The following ECSIT variants were observed in gnomAD, a reference collection of about 807,000 sequenced individuals.
ECSIT encodes ECSIT signaling integrator.
Under a neutral mutation model 36.8 loss-of-function variants are expected in ECSIT, and 29 were observed. That is an observed-to-expected ratio of 0.79 (90% CI 0.59 to 1.08). ECSIT has a LOEUF of 1.08. Ranked by LOEUF, ECSIT falls within the 50% of genes least tolerant of loss-of-function variation. The pLI is 0.00. For synonymous variants in ECSIT, 231 were observed against 234.8 expected (o/e 0.98, Z 0.15); for missense variants, 542 against 581.0 (o/e 0.93, Z 0.69).
At chr19:11,508,623 G>A (rs1257386165) in intron 4 of ECSIT, among the ~76,000 whole-genome samples, 2 of 151,884 alleles carry the variant, frequency 1.3e-5, no homozygotes, top group Non-Finnish European at 2.9e-5. Context: ...CATGATCTCG[G>A]CTCACTATAG....
chr19:11,506,529 CTTTTTT>C (rs71166605), intron 7 of ECSIT, 101 bp from the exon 8 acceptor site: 638 of 677,468 alleles, frequency 9.4e-4, no homozygotes, highest in South Asian at 1.3e-3. Context: ...CTTCCACTTC[CTTTTTT>C]TTTTTTTTTT....
intron 1 of ECSIT, among the ~76,000 whole-genome samples, chr19:11,524,798 T>G (rs1599591944): frequency 6.6e-6 from 1 of 152,056 alleles, no homozygotes; most frequent in South Asian, 2.1e-4. Flanking sequence ...CACTCTGGCT[T>G]GGGTGACAGA....
At position 11,506,175 on chromosome 19, in the gene ECSIT, C is replaced by A; in HGVS notation, c.*9G>T. 6.2e-7 allele frequency: 1 copy of A among 1,603,160 alleles called. No individual in the cohort carries two copies. Among genetic ancestry groups the A allele is most frequent in the South Asian group, 1.1e-5 (1 of 91,042 alleles). On this transcript the variant is annotated 3_prime_UTR_variant, in exon 8 of 8. Transcript: ENST00000270517. ...CGGGCCACAGCCCGTGCCCTCGCGC[C>A]GGCTCAGACTAGCTCTGGCCCTGCT...
chr19:11,510,963 C>T (rs1368747297), intron 4 of ECSIT, among the ~76,000 whole-genome samples: 1 of 151,816 alleles, frequency 6.6e-6, no homozygotes, highest in African/African-American at 2.4e-5. Context: ...ATAGCTCTCC[C>T]CACCAACCAA....
At chr19:11,510,766 C>G (rs1311361765) in intron 4 of ECSIT, 1 of 151,770 alleles carries the variant, frequency 6.6e-6, no homozygotes, top group Non-Finnish European at 1.5e-5. Context: ...AACCCTCCCC[C>G]CCACATTCTG....
At chr19:11,513,592 G>A (rs867424656) in intron 3 of ECSIT, among the ~76,000 whole-genome samples, 2 of 123,392 alleles carry the variant, frequency 1.6e-5, no homozygotes, top group Non-Finnish European at 3.4e-5. Flanking sequence ...AGAGGAGAGT[G>A]GGGGGAGGAG....
intron 1 of ECSIT, chr19:11,522,128 TGAA>T (rs1972117035): frequency 2.5e-6 from 1 of 397,286 alleles, no homozygotes; most frequent in East Asian, 5.8e-5. Context: ...CTAAAGAAGA[TGAA>T]GAAGTCTTCG....
At chr19:11,506,565 C>G in intron 7 of ECSIT, 137 bp from the exon 8 acceptor site, 1 of 1,173,574 alleles carries the variant, frequency 8.5e-7, no homozygotes, top group Non-Finnish European at 1.1e-6. Context: ...GACGGAGTCT[C>G]GCTGTGTCAC....
Position 11,507,532 on chromosome 19 carries a change from G to A in ECSIT, c.976C>T (p.Leu326Phe), listed in dbSNP as rs1409647067. The A allele has an allele frequency of 6.2e-7, 1 of 1,614,074 alleles. No homozygotes were observed. The highest frequency in any genetic ancestry group is 1.7e-5 in the Admixed American group (1 of 60,010). Residue 326 changes from leucine (L) to phenylalanine (F), a missense_variant, in exon 7 of 8, where the codon CTC becomes TTC. Leu to Phe is a conservative substitution (Grantham distance 22). Transcript: ENST00000270517. ...AGGTCCAGCTGCATCGGGTAGTAGAGGTTCCACTCCTCCGGCGTCTCTTCC... is the reference window on the plus strand; with the variant it reads ...AGGTCCAGCTGCATCGGGTAGTAGAAGTTCCACTCCTCCGGCGTCTCTTCC... ...EVEETPEEWN[L>F]YYPMQLDLEY...
intron 1 of ECSIT, among the ~76,000 whole-genome samples, chr19:11,520,497 C>A (rs1021387190): frequency 6.6e-6 from 1 of 150,966 alleles, no homozygotes; most frequent in South Asian, 2.1e-4. Flanking sequence ...AAGGTTCATG[C>A]ATAGATTTTT....
chr19:11,522,276 G>A (rs1450836723), intron 1 of ECSIT: 9 of 642,364 alleles, frequency 1.4e-5, no homozygotes, highest in East Asian at 5.4e-5. Flanking sequence ...TGACCACCAC[G>A]GGCGCTGTCA....
rs1192976145 is a variant in ECSIT at position 11,519,125 on chromosome 19, C to A, written c.46G>T (p.Ala16Ser). Reference sequence around the variant, plus strand: ...GCGGCCCCGCAGGTGCCTCCCCAGGCCCTACAGAGGCCTCGGGCCAGTAGG... The same window carrying A: ...GCGGCCCCGCAGGTGCCTCCCCAGGACCTACAGAGGCCTCGGGCCAGTAGG... Reference protein sequence around the residue: ...ATLLARGLCRAWGGTCGAALT... With the variant: ...ATLLARGLCRSWGGTCGAALT... The change falls in exon 2 of 8, where the codon GCC becomes TCC. Residue 16 changes from alanine (A) to serine (S), a missense_variant. Physicochemically the swap from Ala to Ser is moderately conservative, Grantham distance 99 (BLOSUM62 1). Coordinates refer to ENST00000270517, the MANE Select transcript of ECSIT (RefSeq NM_016581.5). The surrounding 1 kb of genome is among the most constrained non-coding windows in gnomAD (Gnocchi z 4.4). The A allele has an allele frequency of 6.4e-7, 1 of 1,551,062 alleles. No homozygotes were observed. The highest frequency in any genetic ancestry group is 2.0e-5 in the Admixed American group (1 of 50,992).
rs774911236 is a variant in ECSIT at position 11,513,919 on chromosome 19, G to A, written c.399C>T (p.Leu133=). The change falls in exon 3 of 8, where the codon CTC becomes CTT. Residue 133 remains leucine (L), a synonymous_variant. Coordinates refer to ENST00000270517, the MANE Select transcript of ECSIT (RefSeq NM_016581.5). Reference sequence around the variant, plus strand: ...GGAAGACCTCCTTGGGGAAGATGTTGAGCAGCTGGTTGTACACAGCCAGGT... The same window carrying A: ...GGAAGACCTCCTTGGGGAAGATGTTAAGCAGCTGGTTGTACACAGCCAGGT... The part of the protein sequence containing the change: ...ERDLAVYNQL[L]NIFPKEVFRP... 4.3e-6 allele frequency: 7 copies of A among 1,614,180 alleles called. No homozygotes were observed. Among genetic ancestry groups the A allele is most frequent in the Non-Finnish European group, 8.5e-7 (1 of 1,180,024 alleles).
In ECSIT at chr19:11,507,766, C is replaced by T. The variant is rs1568400843; in HGVS notation, c.881G>A (p.Trp294Ter). Residue 294 changes from tryptophan to a stop codon, truncating the protein, a stop_gained, in exon 6 of 8, where the codon TGG becomes TAG. Transcript: ENST00000270517. LOFTEE classifies it high-confidence loss of function. Reference sequence around the variant, plus strand: ...GTAATACACACACTTGTTGCGGAGCCACAGGGAGAAGGGGCCCTCAACAAA... The same window carrying T: ...GTAATACACACACTTGTTGCGGAGCTACAGGGAGAAGGGGCCCTCAACAAA... ...PVFVEGPFSL[W>*]LRNKCVYYHI... is the part of the protein sequence containing the mutation. 1 of 1,614,108 alleles carries T rather than the reference C, an allele frequency of 6.2e-7. No homozygotes were observed. The highest frequency in any genetic ancestry group is 1.7e-5 in the Admixed American group (1 of 60,012).
chr19:11,511,105 G>A (rs1252832484), intron 4 of ECSIT, among the ~76,000 whole-genome samples: 1 of 152,028 alleles, frequency 6.6e-6, no homozygotes, highest in Non-Finnish European at 1.5e-5. Flanking sequence ...TGCCCACTCG[G>A]CTCCCACAGC....
At chr19:11,508,382 G>GGTTTTTTTTTTTTTT (rs1418652426) in intron 4 of ECSIT, among the ~76,000 whole-genome samples, 1 of 115,810 alleles carries the variant, frequency 8.6e-6, no homozygotes, top group African/African-American at 5.8e-5. Context: ...ACTTAATTCC[G>GGTTTTTTTTTTTTTT]ATTTTTTTTT....
Position 11,507,445 on chromosome 19 carries a change from C to T in ECSIT, c.1051+12G>A. The T allele has an allele frequency of 6.2e-7, 1 of 1,611,418 alleles. No homozygotes were observed. Among genetic ancestry groups the T allele is most frequent in the Non-Finnish European group, 8.5e-7 (1 of 1,177,744 alleles). ...CACACATGTGAGCCACCGCACCTGG[C>T]CCAGTTTTTACCTTCATTGATGTCA... On this transcript the variant is annotated intron_variant, in intron 7 of 7. Transcript: ENST00000270517.
intron 4 of ECSIT, 138 bp downstream of exon 4, chr19:11,512,917 TG>T: frequency 2.3e-6 from 2 of 863,442 alleles, no homozygotes; most frequent in Non-Finnish European, 3.8e-6. Context: ...CACTCCAGCC[TG>T]GGCAACAGAG....
intron 1 of ECSIT, among the ~76,000 whole-genome samples, chr19:11,527,157 AC>A (rs1265442284): frequency 6.6e-6 from 1 of 152,012 alleles, no homozygotes; most frequent in East Asian, 2.0e-4. Flanking sequence ...GCCCGTCTGT[AC>A]TAAAAATACA....
Sources: allele counts gnomAD v4.1 joint callset (sites outside exome capture counted in the v4.1 genomes callset), GRCh38; gene constraint gnomAD v4.1.1; non-coding constraint Gnocchi (gnomAD v3.1); transcripts MANE v1.5; gene names NCBI Gene and HGNC (gene_info 2026-07-23, HGNC 2026-07-21).